Variants in INSYN2A observed in about 807,000 individuals in gnomAD.
INSYN2A encodes the protein inhibitory synaptic factor 2A.
A neutral mutation model predicts 39.4 loss-of-function variants in INSYN2A; 17 were observed. The observed-to-expected ratio is 0.43, with a 90% CI of 0.30 to 0.65. The LOEUF (loss-of-function observed/expected upper bound fraction) is 0.65, where lower values mean the gene tolerates loss of function less well. Ranked by LOEUF, INSYN2A falls within the 30% of genes least tolerant of loss-of-function variation. INSYN2A has a pLI of 0.14. For synonymous variants in INSYN2A, 255 were observed against 265.7 expected, an observed-to-expected ratio of 0.96 and a Z score of 0.39; for missense variants, 595 against 631.2, an observed-to-expected ratio of 0.94 and a Z score of 0.61.
intron 4 of INSYN2A, among the ~76,000 whole-genome samples, chr10:127,156,015 T>G (rs1347944566): frequency 6.6e-6 from 1 of 152,182 alleles, no homozygotes; most frequent in East Asian, 1.9e-4. Context: ...GCTAGTCATA[T>G]CCAAATTTTA....
intron 5 of INSYN2A, among the ~76,000 whole-genome samples, chr10:127,144,516 A>C (rs762891028): frequency 2.0e-5 from 3 of 152,240 alleles, no homozygotes; most frequent in Non-Finnish European, 2.9e-5. Flanking sequence ...TTGTTGAATT[A>C]CAATAAACTG....
chr10:127,184,763 T>C (rs2056071420), intron 2 of INSYN2A, among the ~76,000 whole-genome samples: 1 of 152,148 alleles, frequency 6.6e-6, no homozygotes, highest in Non-Finnish European at 1.5e-5. Flanking sequence ...ACTGGTTCAT[T>C]TTCCAGGACC....
intron 4 of INSYN2A, among the ~76,000 whole-genome samples, chr10:127,168,793 G>A (rs749895550): frequency 4.6e-5 from 7 of 152,166 alleles, no homozygotes; most frequent in Admixed American, 2.6e-4. Flanking sequence ...CCACACCTTC[G>A]TGATTCCTCA....
In INSYN2A at chr10:127,196,231, C is replaced by A. The variant is rs1278293637; in HGVS notation, c.-629G>T. On this transcript the variant is annotated 5_prime_UTR_variant, in exon 1 of 6. Coordinates refer to ENST00000522781, the MANE Select transcript of INSYN2A (RefSeq NM_001039762.3). ...GCCCTGCTGGCCCGGCCGGCCCCCG[C>A]GCCGCAGCTCGCGTCGCTCGCGTCC... The A allele has an allele frequency of 2.7e-5, 4 of 149,010 alleles. No homozygotes were observed. Among genetic ancestry groups the A allele is most frequent in the Admixed American group, 2.0e-4 (3 of 14,978 alleles). The allele number at this position is 149,010 out of a possible 1,614,324, so 9.2% of individuals were successfully genotyped here.
Position 127,175,112 on chromosome 10 carries a change from G to C in INSYN2A, c.1184+100C>G. 2 of 1,035,628 alleles carry C rather than the reference G, an allele frequency of 1.9e-6. No individual in the cohort carries two copies. The highest frequency in any genetic ancestry group is 1.4e-6 in the Non-Finnish European group (1 of 692,830). The allele number at this position is 1,035,628 out of a possible 1,614,324, so 64.2% of individuals were successfully genotyped here. A position where few individuals can be genotyped will look rare whatever the true frequency, so the allele number is the denominator to read the frequency against. ...TAGACTATGACCTGTTTACGGAAAT[G>C]CTGGCTTTAGTCTCATTACAGACTT... On this transcript the variant is annotated intron_variant, in intron 4 of 5. Coordinates refer to ENST00000522781, the MANE Select transcript of INSYN2A (RefSeq NM_001039762.3). This position sits in a 1 kb window ranked among gnomAD's most constrained non-coding sequence, Gnocchi z 6.3.
chr10:127,191,199 T>C (rs2056734050), intron 2 of INSYN2A, among the ~76,000 whole-genome samples: 1 of 152,140 alleles, frequency 6.6e-6, no homozygotes, highest in South Asian at 2.1e-4. Context: ...GGCATCACTC[T>C]CTGCCTGTAA....
chr10:127,172,953 T>G (rs2054719962), intron 4 of INSYN2A, among the ~76,000 whole-genome samples: 1 of 152,184 alleles, frequency 6.6e-6, no homozygotes, highest in African/African-American at 2.4e-5. Context: ...GTTTCAATTG[T>G]CATTGAGTTT....
rs76746736 is a variant in INSYN2A at position 127,150,296 on chromosome 10, C to T, written c.1256+3556G>A. ...TTTGGGGGTGACTCACAGAACTGAC[C>T]GCAAGCTGCGAGGTCATCCAGCTCA... is the stretch of plus-strand genomic sequence containing the variant. On this transcript the variant is annotated intron_variant, in intron 5 of 5. Transcript: ENST00000522781. 7.6e-3 allele frequency among the ~76,000 whole-genome samples: 1,159 copies of T among 152,234 alleles called. 12 individuals carry two copies. Among genetic ancestry groups the T allele is most frequent in the Non-Finnish European group, 0.013 (868 of 68,016 alleles).
At chr10:127,186,960 A>G (rs1395788548) in intron 2 of INSYN2A, among the ~76,000 whole-genome samples, 1 of 152,190 alleles carries the variant, frequency 6.6e-6, no homozygotes, top group African/African-American at 2.4e-5. Context: ...AATCAGGCAC[A>G]TAGAGTTTTG....
At chr10:127,151,143 T>C (rs1353516445) in intron 5 of INSYN2A, among the ~76,000 whole-genome samples, 2 of 152,198 alleles carry the variant, frequency 1.3e-5, no homozygotes, top group Non-Finnish European at 1.5e-5. Flanking sequence ...TCCAACATAA[T>C]AACCACCTTA....
chr10:127,174,995 G>T (rs1046422648), intron 4 of INSYN2A, among the ~76,000 whole-genome samples: 2 of 152,208 alleles, frequency 1.3e-5, no homozygotes, highest in Non-Finnish European at 2.9e-5. Context: ...AGGCCAGAAA[G>T]ATGAACATTA....
chr10:127,148,895 C>T (rs1249950713), intron 5 of INSYN2A, among the ~76,000 whole-genome samples: 4 of 152,030 alleles, frequency 2.6e-5, no homozygotes, highest in East Asian at 3.9e-4. Flanking sequence ...GCATCACAAC[C>T]GAAGGGATGT....
rs1205441661 is a variant in INSYN2A, at chr10:127,137,391, T to C, written c.*446A>G. The C allele has an allele frequency of 6.5e-6, 1 of 154,160 alleles. No homozygotes were observed. The highest frequency in any genetic ancestry group is 2.4e-5 in the African/African-American group (1 of 41,464). 9.5% of individuals were successfully genotyped at this position (154,160 alleles called of 1,614,324 possible). ...ACTCGCCCCCTGCTTATTTGCAAAA[T>C]GAAACATAAAAATGAAGTCCTTCGC... On this transcript the variant is annotated 3_prime_UTR_variant, in exon 6 of 6. Coordinates refer to ENST00000522781, the MANE Select transcript of INSYN2A (RefSeq NM_001039762.3).
In INSYN2A at chr10:127,176,068, C is replaced by T. The variant is rs772686532; in HGVS notation, c.328G>A (p.Asp110Asn). The change falls in exon 4 of 6, where the codon GAC (aspartate) becomes AAC (asparagine). Residue 110 changes from aspartate to asparagine, a missense_variant. Asp to Asn is a conservative substitution (Grantham distance 23). This residue lies in a region of INSYN2A where 478 missense variants were observed against 467.4 expected (regional missense o/e 1.02). Transcript: ENST00000522781. The surrounding 1 kb of genome is among the most constrained non-coding windows in gnomAD (Gnocchi z 4.4). ...AACGTCTGGTAACACTTCTTAAGGTCGGGCGAGGTCTGCACGCCTGTGCTC... is the reference window on the plus strand; with the variant it reads ...AACGTCTGGTAACACTTCTTAAGGTTGGGCGAGGTCTGCACGCCTGTGCTC... Reference protein sequence around the residue: ...TKSTGVQTSPDLKKCYQTFPL... With the variant: ...TKSTGVQTSPNLKKCYQTFPL... 8.1e-6 allele frequency: 13 copies of T among 1,613,930 alleles called. No homozygotes were observed. The East Asian group carries it at 1.3e-4, about 17-fold the overall frequency.
rs1465183325 is a variant in INSYN2A at position 127,175,627 on chromosome 10, A to G, written c.769T>C (p.Tyr257His). Residue 257 changes from tyrosine to histidine, a missense_variant, in exon 4 of 6, where the codon TAC becomes CAC. By Grantham distance (83) the Tyr-to-His change is moderately conservative. Transcript: ENST00000522781. This position sits in a 1 kb window ranked among gnomAD's most constrained non-coding sequence, Gnocchi z 6.3. The part of the protein sequence containing the change: ...RVFKTEVATV[Y>H]APALSARAPE... Reference sequence around the variant, plus strand: ...GCCCTGGCACTGAGGGCAGGTGCGTAAACGGTGGCAACCTCCGTTTTAAAC... The same window carrying G: ...GCCCTGGCACTGAGGGCAGGTGCGTGAACGGTGGCAACCTCCGTTTTAAAC... 6.2e-7 allele frequency: 1 copy of G among 1,613,078 alleles called. No individual in the cohort carries two copies. The highest frequency in any genetic ancestry group is 8.5e-7 in the Non-Finnish European group (1 of 1,179,952).
chr10:127,194,672 C>G (rs1488845011), intron 1 of INSYN2A, among the ~76,000 whole-genome samples: 2 of 152,286 alleles, frequency 1.3e-5, no homozygotes, highest in Admixed American at 6.5e-5. Flanking sequence ...ACAGTCCCCC[C>G]ACTGAGATAA....
chr10:127,193,245 C>T lies in INSYN2A; in HGVS notation c.-394-515G>A, dbSNP rs77895304. 3.9e-5 allele frequency among the ~76,000 whole-genome samples: 6 copies of T among 152,190 alleles called. No homozygotes were observed. In the South Asian group the frequency reaches 8.3e-4, roughly 21 times the overall value. On this transcript the variant is annotated intron_variant, in intron 1 of 5. Coordinates refer to ENST00000522781, the MANE Select transcript of INSYN2A (RefSeq NM_001039762.3). ...ATTTATGAAAGACTGTTGAAAATGA[C>T]GATGACACTGGTTTTATCTGGGGAG...
At chr10:127,154,171 A>C (rs1295447409) in intron 4 of INSYN2A, among the ~76,000 whole-genome samples, 2 of 152,248 alleles carry the variant, frequency 1.3e-5, no homozygotes, top group African/African-American at 2.4e-5. Flanking sequence ...GAAGTAAATA[A>C]TATGATTTCG....
chr10:127,153,135 C>T (rs1264012408), intron 5 of INSYN2A, among the ~76,000 whole-genome samples: 1 of 152,166 alleles, frequency 6.6e-6, no homozygotes, highest in Non-Finnish European at 1.5e-5. Flanking sequence ...AGAACTTACT[C>T]ATAACATTTC....
Sources: gnomAD v4.1 joint callset for allele counts (sites outside exome capture counted in the v4.1 genomes callset) on GRCh38, gnomAD v4.1.1 for gene constraint, gnomAD v4.1.1 regional missense constraint, Gnocchi (gnomAD v3.1) non-coding constraint, MANE v1.5 for transcripts, NCBI Gene and HGNC (gene_info 2026-07-23, HGNC 2026-07-21) for gene names.